The following SETBP1 variants were observed in gnomAD, a reference collection of about 807,000 sequenced individuals.
SETBP1 encodes the protein SET-binding protein.
Under a neutral mutation model 101.0 loss-of-function variants are expected in SETBP1, and 9 were observed. That is an observed-to-expected ratio of 0.09 (90% CI 0.05 to 0.16). The LOEUF (loss-of-function observed/expected upper bound fraction) is 0.16. Among genes scored for constraint, SETBP1 ranks in the 10% least tolerant of loss-of-function variants. The pLI, the probability that SETBP1 is intolerant of heterozygous loss-of-function variation, is 1.00. For synonymous variants in SETBP1, 818 were observed against 788.5 expected (o/e 1.04, Z -0.63); for missense variants, 1,858 against 2,033.8 (o/e 0.91, Z 1.66).
intron 2 of SETBP1, among the ~76,000 whole-genome samples, chr18:44,788,522 GA>G (rs2071294821): frequency 6.6e-6 from 1 of 152,192 alleles, no homozygotes; most frequent in African/African-American, 2.4e-5. Flanking sequence ...AGAGTGAAGA[GA>G]ACAGGTGCTT....
chr18:45,003,228 T>A (rs2282581), intron 4 of SETBP1, among the ~76,000 whole-genome samples: 55,960 of 152,046 alleles, frequency 0.37, 10,454 homozygotes, highest in East Asian at 0.53. Flanking sequence ...TGTGCACAAT[T>A]CTAGGGAATC....
intron 4 of SETBP1, among the ~76,000 whole-genome samples, chr18:44,998,929 C>T (rs1289626288): frequency 6.6e-6 from 1 of 152,228 alleles, no homozygotes; most frequent in East Asian, 1.9e-4. Flanking sequence ...GCTTTCTAGA[C>T]ACCCAGTGGA....
At chr18:45,040,136 T>C (rs560406302) in intron 5 of SETBP1, among the ~76,000 whole-genome samples, 108 of 152,338 alleles carry the variant, frequency 7.1e-4, no homozygotes, top group African/African-American at 2.5e-3. Context: ...TCCAGCCATT[T>C]GAAAACTCTT....
chr18:44,738,838 G>A (rs1053182638), intron 2 of SETBP1, among the ~76,000 whole-genome samples: 1 of 150,442 alleles, frequency 6.6e-6, no homozygotes, highest in Non-Finnish European at 1.5e-5. Flanking sequence ...TACACACACA[G>A]AGTCTCCTTT....
At chr18:44,803,120 G>A (rs1865796045) in intron 2 of SETBP1, among the ~76,000 whole-genome samples, 1 of 152,158 alleles carries the variant, frequency 6.6e-6, no homozygotes, top group South Asian at 2.1e-4. Flanking sequence ...ATATTTGCTT[G>A]CAGGGATTGG....
chr18:44,856,280 A>G (rs1353174543), intron 2 of SETBP1, among the ~76,000 whole-genome samples: 2 of 152,196 alleles, frequency 1.3e-5, no homozygotes, highest in African/African-American at 4.8e-5. Context: ...CTGAGCTCCC[A>G]TCTGTCAGAA....
At chr18:44,876,767 C>A in intron 3 of SETBP1, 2 of 1,503,558 alleles carry the variant, frequency 1.3e-6, no homozygotes, top group Non-Finnish European at 8.9e-7. Context: ...CGCATGGATT[C>A]TGCAAAGCCC....
At chr18:44,708,612 G>C (rs2069269931) in intron 2 of SETBP1, among the ~76,000 whole-genome samples, 1 of 152,216 alleles carries the variant, frequency 6.6e-6, no homozygotes, top group Non-Finnish European at 1.5e-5. Context: ...TCAGCTGAAA[G>C]TGTGAGGGAA....
intron 2 of SETBP1, among the ~76,000 whole-genome samples, chr18:44,848,408 A>G (rs2072771767): frequency 6.6e-6 from 1 of 152,182 alleles, no homozygotes; most frequent in Non-Finnish European, 1.5e-5. Flanking sequence ...AAGGCTGGGA[A>G]GTGGCCTGCA....
chr18:44,941,519 G>A (rs573598067), intron 3 of SETBP1, among the ~76,000 whole-genome samples: 6 of 151,960 alleles, frequency 3.9e-5, no homozygotes, highest in Admixed American at 2.0e-4. Flanking sequence ...CTTGGGATTC[G>A]TTGAGCTTCT....
intron 2 of SETBP1, among the ~76,000 whole-genome samples, chr18:44,817,893 CAGAGTATGGGAAATT>C (rs1388963027): frequency 6.6e-6 from 1 of 152,086 alleles, no homozygotes; most frequent in East Asian, 1.9e-4. Flanking sequence ...AATGGGCAAC[CAGAGTATGGGAAATT>C]AGAGCTGTCT....
At chr18:44,949,383 G>A (rs577919594) in intron 3 of SETBP1, among the ~76,000 whole-genome samples, 5 of 152,342 alleles carry the variant, frequency 3.3e-5, no homozygotes, top group East Asian at 1.9e-4. Flanking sequence ...ACATACATTC[G>A]AAGAGAAGCA....
At chr18:44,822,026 C>A (rs2072123710) in intron 2 of SETBP1, among the ~76,000 whole-genome samples, 1 of 152,252 alleles carries the variant, frequency 6.6e-6, no homozygotes, top group Non-Finnish European at 1.5e-5. Context: ...TGATTAAATT[C>A]TCACTTGTCT....
chr18:44,823,264 G>A (rs2072158428), intron 2 of SETBP1, among the ~76,000 whole-genome samples: 3 of 152,176 alleles, frequency 2.0e-5, no homozygotes, highest in South Asian at 4.1e-4. Context: ...CAAGCTTTTA[G>A]CATTTAACAG....
Position 44,727,066 on chromosome 18 carries a change from C to A in SETBP1, c.486+25234C>A, listed in dbSNP as rs528802791. Among the ~76,000 whole-genome samples the A allele has an allele frequency of 2.6e-5, 4 of 152,194 alleles. No homozygotes were observed. The South Asian group carries it at 8.3e-4, about 32-fold the overall frequency. ...ATGTTTCAGTTTTGCTGTTCAGACTCTTCTCTCTGAAGTCCTTTTCCATAA... is the reference window on the plus strand; with the variant it reads ...ATGTTTCAGTTTTGCTGTTCAGACTATTCTCTCTGAAGTCCTTTTCCATAA... On this transcript the variant is annotated intron_variant, in intron 2 of 5. Transcript: ENST00000649279.
intron 4 of SETBP1, among the ~76,000 whole-genome samples, chr18:45,008,889 G>T (rs77652597): frequency 0.015 from 2,297 of 152,272 alleles, 48 homozygotes; most frequent in African/African-American, 0.052. Flanking sequence ...TGAGTGTTTA[G>T]GACAGCTCTA....
intron 2 of SETBP1, among the ~76,000 whole-genome samples, chr18:44,805,754 AGCGCTG>A (rs2071719112): frequency 6.6e-6 from 1 of 152,048 alleles, no homozygotes; most frequent in African/African-American, 2.4e-5. Context: ...CCTTGAGCTC[AGCGCTG>A]AGCTTGTAGG....
At chr18:44,788,132 C>CA (rs933588600) in intron 2 of SETBP1, among the ~76,000 whole-genome samples, 1 of 151,756 alleles carries the variant, frequency 6.6e-6, no homozygotes, top group Admixed American at 6.6e-5. Context: ...AGTTCATCCT[C>CA]AGAGTGTAGA....
At chr18:44,706,906 T>C (rs935201224) in intron 2 of SETBP1, among the ~76,000 whole-genome samples, 5 of 152,196 alleles carry the variant, frequency 3.3e-5, no homozygotes, top group Non-Finnish European at 5.9e-5. Context: ...CTACATGATA[T>C]AACTCAGAGG....
Sources: gnomAD v4.1 joint callset for allele counts (sites outside exome capture counted in the v4.1 genomes callset) on GRCh38, gnomAD v4.1.1 for gene constraint, MANE v1.5 for transcripts, NCBI Gene and HGNC (gene_info 2026-07-23, HGNC 2026-07-21) for gene names.